The following AK3 variants were observed in gnomAD, a reference collection of about 807,000 sequenced individuals.
The protein encoded by AK3 is adenylate kinase 3.
AK3 carries 27 observed loss-of-function variants against 23.7 expected under a neutral mutation model. The observed-to-expected ratio is 1.14, with a 90% confidence interval of 0.84 to 1.57. The LOEUF (loss-of-function observed/expected upper bound fraction) is 1.57. AK3 is among the 40% of genes most tolerant of loss of function. The probability of loss-of-function intolerance (pLI) is 0.00; values close to 1 mark genes in which losing one functional copy is unlikely to be tolerated. For synonymous variants in AK3, 159 were observed against 116.0 expected, an observed-to-expected ratio of 1.37 and a Z score of -2.38; for missense variants, 406 against 285.6, an observed-to-expected ratio of 1.42 and a Z score of -3.04.
At chr9:4,715,662 G>C (rs766825081) in intron 4 of AK3, among the ~76,000 whole-genome samples, 12 of 152,052 alleles carry the variant, frequency 7.9e-5, no homozygotes, top group Non-Finnish European at 1.3e-4. Flanking sequence ...CTCCCAAAGT[G>C]CTGGGATTAC....
chr9:4,735,466 G>GTGTATATATATATATA (rs368205956), intron 1 of AK3, among the ~76,000 whole-genome samples: 1 of 46,934 alleles, frequency 2.1e-5, no homozygotes, highest in African/African-American at 6.8e-5. Flanking sequence ...TAGTATATGT[G>GTGTATATATATATATA]TATATATATA....
rs1057331030 is a variant in AK3, at chr9:4,711,792, G to A, written c.*1184C>T. On this transcript the variant is annotated 3_prime_UTR_variant, in exon 5 of 5. Coordinates refer to ENST00000381809, the MANE Select transcript of AK3 (RefSeq NM_016282.4). ...AATGGCTGCTCAGACGACACCAATA[G>A]AGTTCTTTCTCCTTAAAATATGGTG... 6.6e-5 allele frequency: 10 copies of A among 152,126 alleles called. No individual in the cohort carries two copies. The highest frequency in any genetic ancestry group is 2.4e-4 in the African/African-American group (10 of 41,414). 9.4% of individuals were successfully genotyped at this position (152,126 alleles called of 1,614,324 possible).
chr9:4,722,464 G>A (rs201139373), intron 2 of AK3, 42 bp downstream of exon 2: 7 of 1,613,362 alleles, frequency 4.3e-6, no homozygotes, highest in South Asian at 1.1e-5. Context: ...TGCCAGCACT[G>A]ATTATTTTGG....
At chr9:4,714,556 A>G (rs1841669044) in intron 4 of AK3, among the ~76,000 whole-genome samples, 1 of 152,228 alleles carries the variant, frequency 6.6e-6, no homozygotes, top group Admixed American at 6.5e-5. Flanking sequence ...TAACTGTTGT[A>G]AGCCTCTTGA....
intron 2 of AK3, among the ~76,000 whole-genome samples, chr9:4,721,686 T>A (rs1233195811): frequency 6.6e-6 from 1 of 152,170 alleles, no homozygotes; most frequent in Non-Finnish European, 1.5e-5. Flanking sequence ...CTTGAACTCC[T>A]GACCTCAGGT....
chr9:4,740,251 A>G (rs12348423), intron 1 of AK3, among the ~76,000 whole-genome samples: 1 of 151,992 alleles, frequency 6.6e-6, no homozygotes, highest in Non-Finnish European at 1.5e-5. Context: ...TTTACATACC[A>G]CAAATTCACC....
At chr9:4,713,640 G>A (rs1349328877) in intron 4 of AK3, among the ~76,000 whole-genome samples, 5 of 151,954 alleles carry the variant, frequency 3.3e-5, no homozygotes, top group Non-Finnish European at 5.9e-5. Flanking sequence ...CCACTCTTCT[G>A]AATATTAACA....
intron 1 of AK3, among the ~76,000 whole-genome samples, chr9:4,737,299 C>G (rs1842319951): frequency 6.6e-6 from 1 of 152,110 alleles, no homozygotes; most frequent in Non-Finnish European, 1.5e-5. Context: ...TCTCATGAAT[C>G]TCATCGTCTA....
chr9:4,720,641 G>A (rs1841870874), intron 2 of AK3, among the ~76,000 whole-genome samples: 2 of 149,320 alleles, frequency 1.3e-5, no homozygotes, highest in Non-Finnish European at 2.9e-5. Context: ...AATAAGCCAT[G>A]ATGACTCCAT....
chr9:4,716,445 G>C (rs1841727166), intron 4 of AK3, among the ~76,000 whole-genome samples: 1 of 152,172 alleles, frequency 6.6e-6, no homozygotes, highest in Non-Finnish European at 1.5e-5. Flanking sequence ...ACCCTATAAA[G>C]CAGATGCTAT....
intron 1 of AK3, among the ~76,000 whole-genome samples, chr9:4,729,665 A>G (rs1842109154): frequency 6.6e-6 from 1 of 151,924 alleles, no homozygotes; most frequent in Non-Finnish European, 1.5e-5. Context: ...AAGATCCTAC[A>G]TCTAAATAAA....
chr9:4,733,590 C>T (rs1432443464), intron 1 of AK3, among the ~76,000 whole-genome samples: 2 of 152,200 alleles, frequency 1.3e-5, no homozygotes, highest in African/African-American at 4.8e-5. Context: ...CTCCCGCTCA[C>T]CATCACTCAA....
chr9:4,709,710 T>G lies in AK3; in HGVS notation c.*3266A>C, dbSNP rs766515435. On this transcript the variant is annotated 3_prime_UTR_variant, in exon 5 of 5. Transcript: ENST00000381809. ...CCAGAAGCTTTAAGCACAGCTACAC[T>G]ATTTTAACTGTTTAAAAATTTTTTA... 2 of 152,226 alleles carry G rather than the reference T, an allele frequency of 1.3e-5. No homozygotes were observed. The highest frequency in any genetic ancestry group is 2.9e-5 in the Non-Finnish European group (2 of 68,036). 9.4% of individuals were successfully genotyped at this position (152,226 alleles called of 1,614,324 possible).
rs78626488 is a variant in AK3, at chr9:4,732,305, T to C, written c.151+8632A>G. Among the ~76,000 whole-genome samples the C allele has an allele frequency of 6.7e-3, 1,020 of 152,238 alleles. 8 individuals carry two copies. The highest frequency in any genetic ancestry group is 0.023 in the African/African-American group (974 of 41,532). On this transcript the variant is annotated intron_variant, in intron 1 of 4. Coordinates refer to ENST00000381809, the MANE Select transcript of AK3 (RefSeq NM_016282.4). The stretch of plus-strand genomic sequence containing the variant: ...CTTGGTTTATTATAAGAATACAGTA[T>C]ACAATACATATATCATATGAAATAT...
At chr9:4,740,039 C>A (rs142074064) in intron 1 of AK3, among the ~76,000 whole-genome samples, 2 of 131,322 alleles carry the variant, frequency 1.5e-5, no homozygotes, top group African/African-American at 5.8e-5. Context: ...CTATGCACGT[C>A]TATCCTGTTT....
chr9:4,720,376 T>C (rs1841863273), intron 2 of AK3, among the ~76,000 whole-genome samples: 1 of 152,100 alleles, frequency 6.6e-6, no homozygotes, highest in South Asian at 2.1e-4. Context: ...GTAGAAATAA[T>C]ATATTTTCAA....
chr9:4,728,958 CA>C (rs199963527), intron 1 of AK3, among the ~76,000 whole-genome samples: 37,140 of 137,262 alleles, frequency 0.27, 6,267 homozygotes, highest in Non-Finnish European at 0.36. Context: ...CATATATATA[CA>C]CATACATATA....
At chr9:4,740,894 C>T in intron 1 of AK3, 43 bp downstream of exon 1, 2 of 1,462,124 alleles carry the variant, frequency 1.4e-6, no homozygotes, top group South Asian at 1.4e-5. Flanking sequence ...GAAGTCCGAC[C>T]CGGGTGACAG....
At chr9:4,718,291 C>G (rs749693084) in intron 4 of AK3, 128 bp downstream of exon 4, 62 of 707,690 alleles carry the variant, frequency 8.8e-5, no homozygotes, top group Non-Finnish European at 1.3e-4. Flanking sequence ...AATGTATTTC[C>G]TTTATTACTT....
Sources: gnomAD v4.1 joint callset for allele counts (sites outside exome capture counted in the v4.1 genomes callset) on GRCh38, gnomAD v4.1.1 for gene constraint, MANE v1.5 for transcripts, NCBI Gene and HGNC (gene_info 2026-07-23, HGNC 2026-07-21) for gene names.